The following ARHGAP44 variants were observed in gnomAD, a reference collection of about 807,000 sequenced individuals.
The protein encoded by ARHGAP44 is rho GTPase-activating protein 44.
ARHGAP44 carries 43 observed loss-of-function variants against 106.8 expected under a neutral mutation model. The observed-to-expected ratio is 0.40, with a 90% CI of 0.32 to 0.52. The LOEUF (loss-of-function observed/expected upper bound fraction) is 0.52. ARHGAP44 is among the 20% of genes least tolerant of loss of function. The pLI is 0.48. For synonymous variants in ARHGAP44, 439 were observed against 410.3 expected (o/e 1.07, Z -0.85); for missense variants, 866 against 1,050.5 (o/e 0.82, Z 2.43).
intron 16 of ARHGAP44, among the ~76,000 whole-genome samples, chr17:12,963,397 A>G (rs1452018990): frequency 6.6e-6 from 1 of 152,178 alleles, no homozygotes; most frequent in Non-Finnish European, 1.5e-5. Context: ...TGGAAATCCA[A>G]GCAGCTCCTT....
chr17:12,974,411 C>A, intron 18 of ARHGAP44, 101 bp downstream of exon 18: 1 of 990,020 alleles, frequency 1.0e-6, no homozygotes, highest in Non-Finnish European at 1.4e-6. Flanking sequence ...GTTTCCCATG[C>A]CCCCGCCCCC....
At chr17:12,851,245 T>G (rs560225469) in intron 1 of ARHGAP44, among the ~76,000 whole-genome samples, 1 of 152,360 alleles carries the variant, frequency 6.6e-6, no homozygotes, top group East Asian at 1.9e-4. Flanking sequence ...TGGCCCAGTC[T>G]CTGTCCGTTG....
At chr17:12,963,908 C>T (rs78709814) in intron 16 of ARHGAP44, among the ~76,000 whole-genome samples, 15,296 of 152,188 alleles carry the variant, frequency 0.1, 897 homozygotes, top group South Asian at 0.2. Context: ...TTCTAATGTG[C>T]TGGGGTTGGG....
At chr17:12,838,750 C>G (rs1239489822) in intron 1 of ARHGAP44, among the ~76,000 whole-genome samples, 1 of 152,132 alleles carries the variant, frequency 6.6e-6, no homozygotes, top group Non-Finnish European at 1.5e-5. Flanking sequence ...TGGCTTACAG[C>G]AAACTCCGCC....
At chr17:12,925,992 A>G (rs1427019249) in intron 6 of ARHGAP44, among the ~76,000 whole-genome samples, 1 of 152,224 alleles carries the variant, frequency 6.6e-6, no homozygotes, top group African/African-American at 2.4e-5. Context: ...TTCACATGAC[A>G]AGAGTTTACC....
chr17:12,972,874 G>T (rs536167953), intron 16 of ARHGAP44, among the ~76,000 whole-genome samples: 4 of 151,944 alleles, frequency 2.6e-5, no homozygotes, highest in Admixed American at 2.0e-4. Flanking sequence ...TGTTAGCCAG[G>T]ATGGTCTCAA....
chr17:12,854,051 T>G (rs2035835803), intron 1 of ARHGAP44, among the ~76,000 whole-genome samples: 1 of 152,180 alleles, frequency 6.6e-6, no homozygotes, highest in African/African-American at 2.4e-5. Context: ...GCCTTGTGGC[T>G]TGGCAGAACA....
intron 1 of ARHGAP44, among the ~76,000 whole-genome samples, chr17:12,879,894 A>G (rs982538203): frequency 1.2e-4 from 18 of 152,070 alleles, no homozygotes; most frequent in Admixed American, 9.2e-4. Context: ...CATATTTTGT[A>G]TATGTATTAT....
chr17:12,886,877 G>A (rs1567668882), intron 1 of ARHGAP44, among the ~76,000 whole-genome samples: 1 of 151,630 alleles, frequency 6.6e-6, no homozygotes, highest in Non-Finnish European at 1.5e-5. Flanking sequence ...TTGGAGGAAA[G>A]CATGTAGTCT....
At chr17:12,900,211 C>T (rs1259956028) in intron 3 of ARHGAP44, among the ~76,000 whole-genome samples, 1 of 151,898 alleles carries the variant, frequency 6.6e-6, no homozygotes, top group Non-Finnish European at 1.5e-5. Context: ...CTCACTGCAA[C>T]CTCTGCCTCC....
chr17:12,917,568 C>G (rs1400982287), intron 5 of ARHGAP44, among the ~76,000 whole-genome samples: 1 of 152,102 alleles, frequency 6.6e-6, no homozygotes, highest in Non-Finnish European at 1.5e-5. Context: ...GTGGGTGGGT[C>G]TTTCTCCCAG....
chr17:12,891,467 G>A (rs970496416), intron 1 of ARHGAP44, among the ~76,000 whole-genome samples: 2 of 152,196 alleles, frequency 1.3e-5, no homozygotes, highest in Non-Finnish European at 2.9e-5. Context: ...GCAAGAGGGA[G>A]CTCACGTTGT....
At chr17:12,819,577 G>T (rs561356223) in intron 1 of ARHGAP44, among the ~76,000 whole-genome samples, 1 of 146,498 alleles carries the variant, frequency 6.8e-6, no homozygotes, top group Admixed American at 6.7e-5. Flanking sequence ...ATTTGATACT[G>T]TCAAGTTTTT....
At chr17:12,847,856 T>C (rs1016128200) in intron 1 of ARHGAP44, among the ~76,000 whole-genome samples, 1 of 152,168 alleles carries the variant, frequency 6.6e-6, no homozygotes, top group African/African-American at 2.4e-5. Context: ...TTTCAAAAAG[T>C]AAATTAGGTT....
At chr17:12,902,334 C>G (rs998976743) in intron 3 of ARHGAP44, among the ~76,000 whole-genome samples, 1 of 152,146 alleles carries the variant, frequency 6.6e-6, no homozygotes, top group Non-Finnish European at 1.5e-5. Context: ...AAGCCAGCAC[C>G]CTGTTCGGTT....
intron 1 of ARHGAP44, among the ~76,000 whole-genome samples, chr17:12,818,565 A>T (rs1199477326): frequency 2.0e-5 from 3 of 152,064 alleles, no homozygotes; most frequent in Non-Finnish European, 4.4e-5. Flanking sequence ...CGATGTGATC[A>T]CCTATGTATA....
At chr17:12,884,855 A>T (rs2036837848) in intron 1 of ARHGAP44, among the ~76,000 whole-genome samples, 1 of 152,142 alleles carries the variant, frequency 6.6e-6, no homozygotes, top group African/African-American at 2.4e-5. Flanking sequence ...ATGTTGTAGC[A>T]TGTATGAGTG....
At position 12,949,130 on chromosome 17, in the gene ARHGAP44, C is replaced by T. The variant is rs373687779; in HGVS notation, c.862-10C>T. On this transcript the variant is annotated splice_polypyrimidine_tract_variant and intron_variant, in intron 10 of 20. Coordinates refer to ENST00000379672, the MANE Select transcript of ARHGAP44 (RefSeq NM_014859.6). The surrounding 1 kb of genome is among the most constrained non-coding windows in gnomAD (Gnocchi z 4.1). ...AGTTGCTGTGCGCTGACCCTCTGTC[C>T]TGTTGGTAGGGACTCTTCCGAGTAG... 1.3e-6 allele frequency: 2 copies of T among 1,560,334 alleles called. No individual in the cohort carries two copies. The highest frequency in any genetic ancestry group is 8.7e-7 in the Non-Finnish European group (1 of 1,152,270).
At chr17:12,825,910 C>T (rs1246712220) in intron 1 of ARHGAP44, among the ~76,000 whole-genome samples, 1 of 152,196 alleles carries the variant, frequency 6.6e-6, no homozygotes, top group Non-Finnish European at 1.5e-5. Context: ...CGTTAACTTT[C>T]TACTTTCCAC....
Sources: gnomAD v4.1 joint callset for allele counts (sites outside exome capture counted in the v4.1 genomes callset) on GRCh38, gnomAD v4.1.1 for gene constraint, Gnocchi (gnomAD v3.1) non-coding constraint, MANE v1.5 for transcripts, NCBI Gene and HGNC (gene_info 2026-07-23, HGNC 2026-07-21) for gene names.